TMOD1: variants seen among roughly 807,000 people sequenced by gnomAD.
The protein encoded by TMOD1 is tropomodulin 1.
TMOD1 carries 17 observed loss-of-function variants against 40.6 expected under a neutral mutation model. The observed-to-expected ratio is 0.42, with a 90% CI of 0.29 to 0.63. The LOEUF (loss-of-function observed/expected upper bound fraction) is 0.63. Among genes scored for constraint, TMOD1 ranks in the 20% least tolerant of loss-of-function variants. The probability of loss-of-function intolerance (pLI) is 0.22; values close to 1 mark genes in which losing one functional copy is unlikely to be tolerated. For missense variants in TMOD1, 391 were observed against 447.6 expected, an observed-to-expected ratio of 0.87 and a Z score of 1.14; for synonymous variants, 181 against 175.0, an observed-to-expected ratio of 1.03 and a Z score of -0.27.
chr9:97,573,073 C>T (rs879359714), intron 8 of TMOD1, among the ~76,000 whole-genome samples: 5 of 152,142 alleles, frequency 3.3e-5, no homozygotes, highest in Non-Finnish European at 5.9e-5. Context: ...TGGCAGAGCT[C>T]GGTTGGAGCT....
chr9:97,538,132 T>C (rs776835499), intron 2 of TMOD1, among the ~76,000 whole-genome samples: 2 of 152,096 alleles, frequency 1.3e-5, no homozygotes, highest in Admixed American at 6.6e-5. Context: ...TATGCCCCAG[T>C]CCCCAACACT....
intron 2 of TMOD1, among the ~76,000 whole-genome samples, chr9:97,530,312 C>T (rs1005484712): frequency 6.6e-6 from 1 of 152,028 alleles, no homozygotes; most frequent in Admixed American, 6.6e-5. Context: ...TCAAAATATT[C>T]GCAGGAGAGA....
At chr9:97,575,272 G>A (rs2773356) in intron 8 of TMOD1, among the ~76,000 whole-genome samples, 27,066 of 152,006 alleles carry the variant, frequency 0.18, 2,564 homozygotes, top group Non-Finnish European at 0.2. Flanking sequence ...GCGAAGGCCT[G>A]CAGCTTCACT....
chr9:97,587,032 A>C (rs12345701), intron 8 of TMOD1, among the ~76,000 whole-genome samples: 15,193 of 152,028 alleles, frequency 0.1, 847 homozygotes, highest in Admixed American at 0.15. Context: ...GCTCCTCCCC[A>C]CCACTTGGCA....
At chr9:97,565,754 C>A in intron 6 of TMOD1, 94 bp from the exon 7 acceptor site, 1 of 999,806 alleles carries the variant, frequency 1.0e-6, no homozygotes, top group Non-Finnish European at 1.5e-6. Context: ...CAGAGACTTG[C>A]CAGGAATCAG....
chr9:97,588,858 C>T (rs919656321), intron 8 of TMOD1, among the ~76,000 whole-genome samples: 118 of 152,174 alleles, frequency 7.8e-4, no homozygotes, highest in East Asian at 5.8e-4. Flanking sequence ...CAGTGGCTCA[C>T]GCCTATGATC....
chr9:97,520,308 T>G (rs1399921853), intron 1 of TMOD1, among the ~76,000 whole-genome samples: 1 of 152,148 alleles, frequency 6.6e-6, no homozygotes. Context: ...AGGCCTGTGC[T>G]CCATCCCTGA....
In TMOD1 at chr9:97,530,023, C is replaced by T. The variant is rs539154443; in HGVS notation, c.120+5715C>T. On this transcript the variant is annotated intron_variant, in intron 2 of 9. Transcript: ENST00000259365. ...TGCAATCTGAGCGGTGCTGGGATTC[C>T]AACCTAGACAGTCTTGGCCCAGTAA... Among the ~76,000 whole-genome samples, 4 of 152,314 alleles carry T rather than the reference C, an allele frequency of 2.6e-5. No individual in the cohort carries two copies. In the East Asian group the frequency reaches 7.7e-4, roughly 29 times the overall value.
chr9:97,598,606 C>G (rs999526070), intron 9 of TMOD1, among the ~76,000 whole-genome samples: 5 of 152,092 alleles, frequency 3.3e-5, no homozygotes, highest in Non-Finnish European at 7.4e-5. Context: ...GGTTTTTGTC[C>G]CCTCACATCT....
At chr9:97,525,694 C>T (rs1051915852) in intron 2 of TMOD1, among the ~76,000 whole-genome samples, 5 of 152,224 alleles carry the variant, frequency 3.3e-5, no homozygotes, top group African/African-American at 1.2e-4. Context: ...ACTTTCTTAC[C>T]TCCCTTGTGC....
chr9:97,526,350 G>C (rs1454190111), intron 2 of TMOD1, among the ~76,000 whole-genome samples: 2 of 152,202 alleles, frequency 1.3e-5, no homozygotes, highest in Non-Finnish European at 2.9e-5. Context: ...AGAGTCAAAA[G>C]TCTCTTTGGT....
intron 1 of TMOD1, among the ~76,000 whole-genome samples, chr9:97,506,375 A>G (rs1018987421): frequency 6.6e-6 from 1 of 152,222 alleles, no homozygotes; most frequent in African/African-American, 2.4e-5. Flanking sequence ...AATGTGTGAC[A>G]TAGTACAGGC....
chr9:97,576,598 T>C lies in TMOD1; in HGVS notation c.870+7561T>C, dbSNP rs941477871. Among the ~76,000 whole-genome samples, 7 of 151,642 alleles carry C rather than the reference T, an allele frequency of 4.6e-5. No homozygotes were observed. In the South Asian group the frequency reaches 1.3e-3, roughly 27 times the overall value. ...ACATTTCTGTCATATACTTCATGCATAGAAACACAACTCATTGGCCATGAT... is the reference window on the plus strand; with the variant it reads ...ACATTTCTGTCATATACTTCATGCACAGAAACACAACTCATTGGCCATGAT... On this transcript the variant is annotated intron_variant, in intron 8 of 9. Transcript: ENST00000259365.
rs1423881480 is a variant in TMOD1, at chr9:97,502,535, C to T, written c.-49+732C>T. Among the ~76,000 whole-genome samples the T allele has an allele frequency of 6.6e-6, 1 of 152,122 alleles. No individual in the cohort carries two copies. The highest frequency in any genetic ancestry group is 1.9e-4 in the East Asian group (1 of 5,158). On this transcript the variant is annotated intron_variant, in intron 1 of 9. Coordinates refer to ENST00000259365, the MANE Select transcript of TMOD1 (RefSeq NM_003275.4). The surrounding 1 kb of genome is among the most constrained non-coding windows in gnomAD (Gnocchi z 6.1). ...TTGTAGGGGCGAGGTTTGGTAGCCG[C>T]GATGGAGCTGGGAGCCCAAGCCCTG... is the stretch of plus-strand genomic sequence containing the variant.
intron 8 of TMOD1, among the ~76,000 whole-genome samples, chr9:97,575,418 C>G (rs947119256): frequency 6.6e-6 from 1 of 152,330 alleles, no homozygotes; most frequent in African/African-American, 2.4e-5. Flanking sequence ...TTCATTCTTG[C>G]AGTCAGTGAG....
At chr9:97,535,967 G>C (rs74623012) in intron 2 of TMOD1, among the ~76,000 whole-genome samples, 2,482 of 152,244 alleles carry the variant, frequency 0.016, 69 homozygotes, top group African/African-American at 0.058. Flanking sequence ...GTGTCTGGAG[G>C]GGGTGGGGCT....
intron 4 of TMOD1, among the ~76,000 whole-genome samples, chr9:97,561,406 A>G (rs1830638988): frequency 6.6e-6 from 1 of 152,180 alleles, no homozygotes; most frequent in Non-Finnish European, 1.5e-5. Context: ...GAAACCATCC[A>G]GGGAGCTTTA....
chr9:97,522,982 C>T (rs184260570), intron 1 of TMOD1, among the ~76,000 whole-genome samples: 13 of 152,138 alleles, frequency 8.5e-5, no homozygotes, highest in South Asian at 2.1e-4. Flanking sequence ...CCTAGCTCAG[C>T]GGAGGCAGTG....
intron 8 of TMOD1, among the ~76,000 whole-genome samples, chr9:97,581,846 G>T (rs1280307993): frequency 1.2e-4 from 18 of 149,832 alleles, no homozygotes; most frequent in African/African-American, 4.2e-4. Context: ...GGGGTTGTTT[G>T]TTTTTTTTCT....
Sources: allele counts gnomAD v4.1 joint callset (sites outside exome capture counted in the v4.1 genomes callset), GRCh38; gene constraint gnomAD v4.1.1; non-coding constraint Gnocchi (gnomAD v3.1); transcripts MANE v1.5; gene names NCBI Gene and HGNC (gene_info 2026-07-23, HGNC 2026-07-21).